Variants in GNAQ observed in about 807,000 individuals in gnomAD.
GNAQ encodes G protein subunit alpha q.
GNAQ carries 8 observed loss-of-function variants against 43.9 expected under a neutral mutation model. The ratio of observed to expected loss-of-function variants is 0.18; its 90% confidence interval spans 0.11 to 0.33. GNAQ has a LOEUF of 0.33. Among genes scored for constraint, GNAQ ranks in the 10% least tolerant of loss-of-function variants. The probability of loss-of-function intolerance (pLI) is 1.00; values close to 1 mark genes in which losing one functional copy is unlikely to be tolerated. For missense variants in GNAQ, 158 were observed against 450.8 expected, an observed-to-expected ratio of 0.35 and a Z score of 5.88; for synonymous variants, 155 against 170.7, an observed-to-expected ratio of 0.91 and a Z score of 0.71.
chr9:77,872,682 G>A (rs777240673), intron 2 of GNAQ, among the ~76,000 whole-genome samples: 4 of 152,090 alleles, frequency 2.6e-5, no homozygotes, highest in Non-Finnish European at 5.9e-5. Context: ...AGATGTAAAC[G>A]CTGAAGCCCA....
intron 5 of GNAQ, among the ~76,000 whole-genome samples, chr9:77,766,796 A>G (rs1826143308): frequency 6.6e-6 from 1 of 152,158 alleles, no homozygotes; most frequent in South Asian, 2.1e-4. Context: ...AGGACAGTCT[A>G]TAAGGAAAGA....
At chr9:77,901,240 C>T (rs888287487) in intron 2 of GNAQ, among the ~76,000 whole-genome samples, 12 of 152,160 alleles carry the variant, frequency 7.9e-5, no homozygotes, top group Non-Finnish European at 1.6e-4. Context: ...CTGTTTCCTG[C>T]CCAAGGGCTC....
intron 1 of GNAQ, among the ~76,000 whole-genome samples, chr9:77,983,778 T>A (rs1055558555): frequency 1.7e-4 from 26 of 152,034 alleles, no homozygotes; most frequent in Non-Finnish European, 3.1e-4. Flanking sequence ...GAGAATTTAG[T>A]GACTGAAATG....
At chr9:77,795,399 T>C (rs1275210825) in intron 4 of GNAQ, among the ~76,000 whole-genome samples, 1 of 152,166 alleles carries the variant, frequency 6.6e-6, no homozygotes, top group Non-Finnish European at 1.5e-5. Context: ...AGTCAAAGTT[T>C]CTCCAAATTG....
intron 2 of GNAQ, among the ~76,000 whole-genome samples, chr9:77,872,561 A>AT (rs2118033118): frequency 6.6e-6 from 1 of 152,324 alleles, no homozygotes; most frequent in East Asian, 1.9e-4. Context: ...ATACAAACAT[A>AT]TATTTCATAA....
chr9:77,887,564 G>A (rs971940379), intron 2 of GNAQ, among the ~76,000 whole-genome samples: 3 of 152,180 alleles, frequency 2.0e-5, no homozygotes, highest in African/African-American at 7.2e-5. Context: ...ACATAGGTAA[G>A]GAACACCAGA....
At chr9:77,885,550 C>CT (rs916067473) in intron 2 of GNAQ, among the ~76,000 whole-genome samples, 84 of 152,252 alleles carry the variant, frequency 5.5e-4, no homozygotes, top group African/African-American at 2.0e-3. Flanking sequence ...AATTAGATTT[C>CT]TGTTTAACTT....
chr9:77,821,694 A>G (rs1179846078), intron 2 of GNAQ, among the ~76,000 whole-genome samples: 1 of 150,908 alleles, frequency 6.6e-6, no homozygotes, highest in Non-Finnish European at 1.5e-5. Context: ...TATTATCTTC[A>G]TAATTATGAT....
intron 2 of GNAQ, among the ~76,000 whole-genome samples, chr9:77,908,555 A>G (rs1189442859): frequency 6.6e-6 from 1 of 152,220 alleles, no homozygotes; most frequent in Admixed American, 6.5e-5. Flanking sequence ...TATTGTCCCA[A>G]AAGTTTTGCA....
At chr9:77,998,791 A>AT (rs1301953666) in intron 1 of GNAQ, among the ~76,000 whole-genome samples, 2 of 152,142 alleles carry the variant, frequency 1.3e-5, no homozygotes, top group Non-Finnish European at 2.9e-5. Flanking sequence ...AACCACTGCA[A>AT]TAAGACTTAA....
chr9:78,031,502 G>A lies in GNAQ; in HGVS notation c.-267C>T, dbSNP rs1480226848. 4.2e-5 allele frequency: 7 copies of A among 166,078 alleles called. No individual in the cohort carries two copies. The highest frequency in any genetic ancestry group is 2.6e-4 in the East Asian group (2 of 7,566). The allele number at this position is 166,078 out of a possible 1,614,324, so 10.3% of individuals were successfully genotyped here. ...CGGGAGGCGGGCGCTGGCTCGGGGG[G>A]CGCGTGAGAGAAGGCCGCCGCGCCC... On this transcript the variant is annotated 5_prime_UTR_variant, in exon 1 of 7. Transcript: ENST00000286548.
chr9:77,884,510 A>C (rs902270784), intron 2 of GNAQ, among the ~76,000 whole-genome samples: 3 of 152,228 alleles, frequency 2.0e-5, no homozygotes, highest in African/African-American at 7.2e-5. Flanking sequence ...GCGACTTCCC[A>C]TAATGGTGAA....
chr9:77,731,762 G>A lies in GNAQ; in HGVS notation c.736-3095C>T, dbSNP rs144366616. Among the ~76,000 whole-genome samples the A allele has an allele frequency of 1.4e-3, 219 of 152,308 alleles. 2 individuals are homozygous for A. The highest frequency in any genetic ancestry group is 3.9e-3 in the African/African-American group (164 of 41,574). The stretch of plus-strand genomic sequence containing the variant: ...TGCATTTCTAACAAGACCGCATTGA[G>A]CTGGAAGGTACAGAAAGCTTGCCAA... On this transcript the variant is annotated intron_variant, in intron 5 of 6. Transcript: ENST00000286548.
At chr9:77,887,188 T>C (rs1330010883) in intron 2 of GNAQ, among the ~76,000 whole-genome samples, 1 of 152,196 alleles carries the variant, frequency 6.6e-6, no homozygotes, top group Non-Finnish European at 1.5e-5. Flanking sequence ...TTAGAGAAGC[T>C]GAGCAGGGTC....
chr9:78,016,221 C>A (rs7022087), intron 1 of GNAQ, among the ~76,000 whole-genome samples: 7,249 of 152,224 alleles, frequency 0.048, 601 homozygotes, highest in African/African-American at 0.17. Flanking sequence ...AGAAGCAATT[C>A]TTATAGATAA....
intron 2 of GNAQ, among the ~76,000 whole-genome samples, chr9:77,859,037 C>T (rs1221279096): frequency 6.6e-6 from 1 of 152,156 alleles, no homozygotes; most frequent in Non-Finnish European, 1.5e-5. Flanking sequence ...TTGCCTAACA[C>T]ATCAAACACA....
At chr9:77,821,755 G>GTGTGTA (rs1479229401) in intron 2 of GNAQ, among the ~76,000 whole-genome samples, 1 of 151,188 alleles carries the variant, frequency 6.6e-6, no homozygotes, top group Non-Finnish European at 1.5e-5. Flanking sequence ...GTGTGTGTGT[G>GTGTGTA]TGTATGTATG....
rs191221257 is a variant in GNAQ at position 77,827,284 on chromosome 9, C to T, written c.322-11514G>A. ...TTACCAGACAGCATATCCACGCATG[C>T]TCTTCTGCTTGAATTCTGATGAGCT... On this transcript the variant is annotated intron_variant, in intron 2 of 6. Coordinates refer to ENST00000286548, the MANE Select transcript of GNAQ (RefSeq NM_002072.5). 8.7e-4 allele frequency among the ~76,000 whole-genome samples: 130 copies of T among 149,942 alleles called. 2 individuals carry two copies. Among genetic ancestry groups the T allele is most frequent in the African/African-American group, 3.1e-3 (126 of 40,784 alleles).
At chr9:77,984,935 C>T (rs572162876) in intron 1 of GNAQ, among the ~76,000 whole-genome samples, 1 of 152,102 alleles carries the variant, frequency 6.6e-6, no homozygotes, top group Non-Finnish European at 1.5e-5. Flanking sequence ...AATGGACTAC[C>T]ATTTGAGGAT....
Sources: allele counts gnomAD v4.1 joint callset (sites outside exome capture counted in the v4.1 genomes callset), GRCh38; gene constraint gnomAD v4.1.1; transcripts MANE v1.5; gene names NCBI Gene and HGNC (gene_info 2026-07-23, HGNC 2026-07-21).